MCTP2: variants seen among roughly 807,000 people sequenced by gnomAD.
MCTP2 encodes multiple C2 and transmembrane domain-containing protein 2.
In MCTP2, 132 loss-of-function variants were observed where a neutral mutation model predicts 111.6. The observed-to-expected ratio is 1.18, with a 90% confidence interval of 1.03 to 1.37. The LOEUF (loss-of-function observed/expected upper bound fraction) is 1.37. MCTP2 is among the 40% of genes most tolerant of loss of function. The pLI, the probability that MCTP2 is intolerant of heterozygous loss-of-function variation, is 0.00. For synonymous variants in MCTP2, 395 were observed against 387.7 expected, an observed-to-expected ratio of 1.02 and a Z score of -0.22; for missense variants, 1,183 against 1,067.9, an observed-to-expected ratio of 1.11 and a Z score of -1.50.
intron 14 of MCTP2, among the ~76,000 whole-genome samples, chr15:94,398,288 C>T (rs930646772): frequency 2.0e-5 from 3 of 152,160 alleles, no homozygotes; most frequent in Non-Finnish European, 4.4e-5. Context: ...AAACCAGCTC[C>T]TTTATTCATT....
At chr15:94,335,917 G>A (rs1333938495) in intron 4 of MCTP2, among the ~76,000 whole-genome samples, 1 of 152,030 alleles carries the variant, frequency 6.6e-6, no homozygotes, top group African/African-American at 2.4e-5. Flanking sequence ...GAGAATCCGC[G>A]AAGAGTACTA....
intron 1 of MCTP2, among the ~76,000 whole-genome samples, chr15:94,243,994 T>C (rs1204643938): frequency 6.8e-6 from 1 of 147,610 alleles, no homozygotes; most frequent in Non-Finnish European, 1.5e-5. Context: ...CATATGTGTA[T>C]ATATTTATGC....
At chr15:94,284,020 TG>T (rs2074628277) in intron 1 of MCTP2, among the ~76,000 whole-genome samples, 1 of 152,200 alleles carries the variant, frequency 6.6e-6, no homozygotes, top group Non-Finnish European at 1.5e-5. Flanking sequence ...TGTTGCACAA[TG>T]GGAACTCATT....
chr15:94,476,636 A>G, intron 21 of MCTP2, 60 bp from the exon 22 acceptor site: 1 of 865,676 alleles, frequency 1.2e-6, no homozygotes, highest in Non-Finnish European at 1.9e-6. Context: ...AGATAGATAG[A>G]TAGATAGATA....
chr15:94,477,221 G>A (rs1486362655), intron 22 of MCTP2, among the ~76,000 whole-genome samples: 1 of 152,134 alleles, frequency 6.6e-6, no homozygotes, highest in African/African-American at 2.4e-5. Context: ...CATTTGCCCT[G>A]ATTTATCTCC....
At chr15:94,335,444 A>G (rs2077316516) in intron 4 of MCTP2, among the ~76,000 whole-genome samples, 1 of 152,242 alleles carries the variant, frequency 6.6e-6, no homozygotes, top group African/African-American at 2.4e-5. Context: ...TTATTGTCAG[A>G]AATAACGTAA....
chr15:94,328,762 G>A (rs2077006317), intron 4 of MCTP2, among the ~76,000 whole-genome samples: 1 of 152,194 alleles, frequency 6.6e-6, no homozygotes, highest in African/African-American at 2.4e-5. Context: ...GGGAGTGTAA[G>A]TTTGGACAAA....
chr15:94,240,955 CT>C (rs947204690), intron 1 of MCTP2, among the ~76,000 whole-genome samples: 1 of 152,068 alleles, frequency 6.6e-6, no homozygotes, highest in Non-Finnish European at 1.5e-5. Flanking sequence ...GATCAAGGTA[CT>C]TTTTTTGGTG....
chr15:94,426,799 G>C (rs1009351548), intron 17 of MCTP2, among the ~76,000 whole-genome samples: 3 of 152,064 alleles, frequency 2.0e-5, no homozygotes, highest in African/African-American at 7.2e-5. Context: ...TAGGCATTTA[G>C]AATATAGCAA....
At chr15:94,334,114 A>T (rs1412658384) in intron 4 of MCTP2, among the ~76,000 whole-genome samples, 1 of 152,220 alleles carries the variant, frequency 6.6e-6, no homozygotes, top group Non-Finnish European at 1.5e-5. Flanking sequence ...TTCAGTAGTG[A>T]TACTAAACAT....
intron 1 of MCTP2, among the ~76,000 whole-genome samples, chr15:94,234,415 G>A (rs1168763120): frequency 2.0e-5 from 3 of 152,328 alleles, no homozygotes; most frequent in Non-Finnish European, 2.9e-5. Context: ...CAGGAGTGCT[G>A]ATTGCAATCC....
In MCTP2 at chr15:94,399,067, G is replaced by A. The variant is rs1358033078; in HGVS notation, c.1890+5G>A. ...ATGGACCTTATATATAATCCGGTAA[G>A]TCTAGCTGGGTCATACTTCCCGGCT... is the stretch of plus-strand genomic sequence containing the variant. On this transcript the variant is annotated splice_donor_5th_base_variant and intron_variant, in intron 15 of 22. Coordinates refer to ENST00000357742, the MANE Select transcript of MCTP2 (RefSeq NM_001385001.1). 1.4e-6 allele frequency: 2 copies of A among 1,395,988 alleles called. No individual in the cohort carries two copies. The highest frequency in any genetic ancestry group is 2.0e-6 in the Non-Finnish European group (2 of 984,472). 86.5% of individuals were successfully genotyped at this position (1,395,988 alleles called of 1,614,324 possible).
rs548226099 is a variant in MCTP2, at chr15:94,243,437, A to G, written c.-66+11773A>G. Among the ~76,000 whole-genome samples, 11 of 147,998 alleles carry G rather than the reference A, an allele frequency of 7.4e-5. 1 individual carries two copies. The highest frequency in any genetic ancestry group is 1.0e-4 in the Non-Finnish European group (7 of 66,732). On this transcript the variant is annotated intron_variant, in intron 1 of 22. Coordinates refer to ENST00000357742, the MANE Select transcript of MCTP2 (RefSeq NM_001385001.1). ...TACGTATGCGTATATGCGTATGTAC[A>G]TACATACGTATGCGTACATGCGTAT...
rs116838046 is a variant in MCTP2, at chr15:94,275,820, G to T, written c.-65-22381G>T. On this transcript the variant is annotated intron_variant, in intron 1 of 22. Transcript: ENST00000357742. ...AAGATTGCCAAGATTTAGCAAACAA[G>T]AAATGATATTCTGTTTTATAAGCAT... is the stretch of plus-strand genomic sequence containing the variant. 7.9e-3 allele frequency among the ~76,000 whole-genome samples: 1,179 copies of T among 148,566 alleles called. 21 individuals are homozygous for T. Among genetic ancestry groups the T allele is most frequent in the African/African-American group, 0.027 (1,116 of 40,612 alleles).
chr15:94,243,839 ATGTACACATATATG>A (rs1200950264), intron 1 of MCTP2, among the ~76,000 whole-genome samples: 1 of 147,536 alleles, frequency 6.8e-6, no homozygotes, highest in Non-Finnish European at 1.5e-5. Context: ...GTATATATTT[ATGTACACATATATG>A]TATACACATA....
rs1328678888 is a variant in MCTP2 at position 94,358,562 on chromosome 15, C to T, written c.1251C>T (p.Asp417=). 5 of 1,613,788 alleles carry T rather than the reference C, an allele frequency of 3.1e-6. No homozygotes were observed. Among genetic ancestry groups the T allele is most frequent in the South Asian group, 1.1e-5 (1 of 91,080 alleles). ...HYFSDRMGIL[D]IEVWGKDNKK... Reference sequence around the variant, plus strand: ...TCTCTGACAGGATGGGCATTTTGGACATTGAAGTGTGGGGAAAGGACAACA... The same window carrying T: ...TCTCTGACAGGATGGGCATTTTGGATATTGAAGTGTGGGGAAAGGACAACA... Residue 417 remains aspartate, a synonymous_variant, in exon 10 of 23, where the codon GAC becomes GAT. Coordinates refer to ENST00000357742, the MANE Select transcript of MCTP2 (RefSeq NM_001385001.1).
At chr15:94,425,312 G>C (rs1265437678) in intron 17 of MCTP2, among the ~76,000 whole-genome samples, 1 of 152,072 alleles carries the variant, frequency 6.6e-6, no homozygotes, top group African/African-American at 2.4e-5. Context: ...TCCTGTACCA[G>C]TATCACACAA....
chr15:94,305,382 G>A lies in MCTP2; in HGVS notation c.465+6652G>A, dbSNP rs909213051. ...CTTAACAGTTTTAGCCTCGGAGGAC[G>A]ATCTCATTGCTTGTGGCCAAGACTT... On this transcript the variant is annotated intron_variant, in intron 2 of 22. Coordinates refer to ENST00000357742, the MANE Select transcript of MCTP2 (RefSeq NM_001385001.1). Among the ~76,000 whole-genome samples, 3 of 152,248 alleles carry A rather than the reference G, an allele frequency of 2.0e-5. No homozygotes were observed. In the East Asian group the frequency reaches 5.8e-4, roughly 29 times the overall value.
rs1239891744 is a variant in MCTP2 at position 94,245,410 on chromosome 15, TTATA to T, written c.-66+13749_-66+13752del. 2.2e-3 allele frequency among the ~76,000 whole-genome samples: 304 copies of T among 137,518 alleles called. 3 individuals are homozygous for T. Among genetic ancestry groups the T allele is most frequent in the Middle Eastern group, 9.3e-3 (1 of 108 alleles). 90.2% of individuals were successfully genotyped at this position (137,518 alleles called of 152,430 possible). Reference sequence around the variant, plus strand: ...TATTTATATACATGTGTGTATATATTTATATACATGTGTGTATATATTTATATAT... The same window carrying T: ...TATTTATATACATGTGTGTATATATTTACATGTGTGTATATATTTATATAT... On this transcript the variant is annotated intron_variant, in intron 1 of 22. Transcript: ENST00000357742.
Sources: allele counts gnomAD v4.1 joint callset (sites outside exome capture counted in the v4.1 genomes callset), GRCh38; gene constraint gnomAD v4.1.1; transcripts MANE v1.5; gene names NCBI Gene and HGNC (gene_info 2026-07-23, HGNC 2026-07-21).